The following ZIM2 variants were observed in gnomAD, a reference collection of about 807,000 sequenced individuals.
ZIM2 encodes zinc finger imprinted 2.
Under a neutral mutation model 38.6 loss-of-function variants are expected in ZIM2, and 14 were observed. The ratio of observed to expected loss-of-function variants is 0.36; its 90% CI spans 0.24 to 0.57. The LOEUF (loss-of-function observed/expected upper bound fraction) is 0.57, where lower values mean the gene tolerates loss of function less well. Ranked by LOEUF, ZIM2 falls within the 20% of genes least tolerant of loss-of-function variation. The pLI is 0.81. For missense variants in ZIM2, 680 were observed against 695.1 expected, an observed-to-expected ratio of 0.98 and a Z score of 0.24; for synonymous variants, 247 against 245.8, an observed-to-expected ratio of 1.00 and a Z score of -0.04.
chr19:56,815,970 G>C, intron 9 of ZIM2: 1 of 1,588,482 alleles, frequency 6.3e-7, no homozygotes, highest in Non-Finnish European at 8.6e-7. Flanking sequence ...TTCCTTCAGA[G>C]GTGTTCCCTC....
chr19:56,811,185 T>C, intron 9 of ZIM2: 3 of 974,654 alleles, frequency 3.1e-6, no homozygotes, highest in Non-Finnish European at 3.7e-6. Context: ...ATCATAAACT[T>C]TTTAGTAACA....
chr19:56,776,173 T>C (rs1247799807), intron 12 of ZIM2, among the ~76,000 whole-genome samples: 3 of 149,220 alleles, frequency 2.0e-5, no homozygotes, highest in Non-Finnish European at 4.4e-5. Flanking sequence ...AAAAATATCA[T>C]CTAGGAGGAT....
intron 6 of ZIM2, 142 bp downstream of exon 6, chr19:56,822,611 G>T: frequency 8.7e-7 from 1 of 1,148,494 alleles, no homozygotes; most frequent in Non-Finnish European, 1.2e-6. Context: ...AAAAATACGA[G>T]CCTTGGACTA....
At chr19:56,825,646 A>C (rs1178107765) in intron 3 of ZIM2, among the ~76,000 whole-genome samples, 1 of 152,102 alleles carries the variant, frequency 6.6e-6, no homozygotes, top group Non-Finnish European at 1.5e-5. Flanking sequence ...TGCGTATTTT[A>C]ATGACTGGTC....
chr19:56,807,863 AT>A (rs1261585524), intron 9 of ZIM2, among the ~76,000 whole-genome samples: 1 of 152,194 alleles, frequency 6.6e-6, no homozygotes, highest in Non-Finnish European at 1.5e-5. Flanking sequence ...ACTTAAATTC[AT>A]TCAGGTTAAT....
chr19:56,816,282 T>C (rs2059971198), intron 9 of ZIM2: 2 of 1,613,836 alleles, frequency 1.2e-6, no homozygotes, highest in African/African-American at 2.7e-5. Context: ...GAATGACAGA[T>C]TTCTCATACC....
chr19:56,788,517 T>C (rs1173509576), intron 10 of ZIM2, among the ~76,000 whole-genome samples: 2 of 152,184 alleles, frequency 1.3e-5, no homozygotes, highest in African/African-American at 2.4e-5. Context: ...AGAGATCTGC[T>C]GTTAGTCTGA....
chr19:56,797,391 T>C (rs1471421513), intron 9 of ZIM2, among the ~76,000 whole-genome samples: 2 of 152,168 alleles, frequency 1.3e-5, no homozygotes, highest in Non-Finnish European at 2.9e-5. Context: ...ATTATATTGA[T>C]TTAAAGAAAA....
intron 2 of ZIM2, among the ~76,000 whole-genome samples, chr19:56,829,732 A>G (rs1241396017): frequency 1.3e-5 from 2 of 152,220 alleles, no homozygotes; most frequent in African/African-American, 4.8e-5. Context: ...AAGGGCAACT[A>G]GCAGTGGGGC....
At chr19:56,828,487 T>A (rs1397085360) in intron 2 of ZIM2, among the ~76,000 whole-genome samples, 2 of 152,162 alleles carry the variant, frequency 1.3e-5, no homozygotes, top group African/African-American at 4.8e-5. Flanking sequence ...AAGCACTGTT[T>A]ACAACAGCAG....
At chr19:56,786,973 A>C (rs2046641526) in intron 10 of ZIM2, among the ~76,000 whole-genome samples, 1 of 152,058 alleles carries the variant, frequency 6.6e-6, no homozygotes, top group East Asian at 1.9e-4. Flanking sequence ...AGTAGCTGGG[A>C]TTACAGGTGT....
rs377656551 is a variant in ZIM2 at position 56,824,248 on chromosome 19, G to C, written c.16+14C>G. On this transcript the variant is annotated intron_variant, in intron 4 of 12. Coordinates refer to ENST00000629319, the MANE Select transcript of ZIM2 (RefSeq NM_001387356.1). ...GGCCTGCACTGACCACCAACACCCC[G>C]TGGAGACTCTCACCTTCTGGTTGGT... 7.1e-5 allele frequency: 114 copies of C among 1,611,354 alleles called. No individual in the cohort carries two copies. Among genetic ancestry groups the C allele is most frequent in the Non-Finnish European group, 1.7e-5 (20 of 1,178,602 alleles).
chr19:56,815,649 T>C (rs763278477), intron 9 of ZIM2: 3 of 1,614,188 alleles, frequency 1.9e-6, no homozygotes, highest in Non-Finnish European at 2.5e-6. Flanking sequence ...CCTTCTGGTA[T>C]TCACGGACAT....
At chr19:56,812,933 T>C in intron 9 of ZIM2, 6 of 985,798 alleles carry the variant, frequency 6.1e-6, no homozygotes, top group Non-Finnish European at 7.2e-6. Context: ...AATCCGTATA[T>C]TGTAAAGCCT....
chr19:56,802,800 G>C (rs1159809937), intron 9 of ZIM2, among the ~76,000 whole-genome samples: 1 of 152,222 alleles, frequency 6.6e-6, no homozygotes. Context: ...TAGCCATGAA[G>C]CTGGAGGATC....
At chr19:56,779,071 C>A (rs1254694920) in intron 12 of ZIM2, among the ~76,000 whole-genome samples, 1 of 151,898 alleles carries the variant, frequency 6.6e-6, no homozygotes, top group African/African-American at 2.4e-5. Flanking sequence ...TGGTATCAGG[C>A]CAGGATTTTT....
chr19:56,821,701 T>C lies in ZIM2; in HGVS notation c.244A>G (p.Met82Val). Residue 82 changes from methionine (M) to valine (V), a missense_variant, in exon 7 of 13, where the codon ATG (methionine) becomes GTG (valine). Met to Val is a conservative substitution (Grantham distance 21). Transcript: ENST00000629319. ...GAGTCCCTGTCGTCCTCTCTGTCCATTTCAAAGCTTGTTTTCGCCACCACA... is the reference window on the plus strand; with the variant it reads ...GAGTCCCTGTCGTCCTCTCTGTCCACTTCAAAGCTTGTTTTCGCCACCACA... Reference protein sequence around the residue: ...LPVVAKTSFEMDREDDRDSRA... With the variant: ...LPVVAKTSFEVDREDDRDSRA... The C allele has an allele frequency of 6.2e-7, 1 of 1,614,006 alleles. No individual in the cohort carries two copies. The highest frequency in any genetic ancestry group is 8.5e-7 in the Non-Finnish European group (1 of 1,180,016).
intron 12 of ZIM2, among the ~76,000 whole-genome samples, chr19:56,776,186 C>T (rs2045997318): frequency 6.6e-6 from 1 of 151,056 alleles, no homozygotes; most frequent in African/African-American, 2.4e-5. Flanking sequence ...AGGAGGATGG[C>T]GTGTCAAAAA....
chr19:56,813,625 G>A (rs1383768468), intron 9 of ZIM2: 4 of 1,558,104 alleles, frequency 2.6e-6, no homozygotes, highest in East Asian at 2.3e-5. Context: ...TCTGTGGTTT[G>A]GTAAGGGTCA....
Sources: gnomAD v4.1 joint callset for allele counts (sites outside exome capture counted in the v4.1 genomes callset) on GRCh38, gnomAD v4.1.1 for gene constraint, MANE v1.5 for transcripts, NCBI Gene and HGNC (gene_info 2026-07-23, HGNC 2026-07-21) for gene names.